CSF2RA: variants seen among roughly 807,000 people sequenced by gnomAD.
The protein encoded by CSF2RA is colony stimulating factor 2 receptor subunit alpha, also known as granulocyte-macrophage colony-stimulating factor receptor subunit alpha.
A neutral mutation model predicts 51.6 loss-of-function variants in CSF2RA; 42 were observed. That is an observed-to-expected ratio of 0.81 (90% CI 0.64 to 1.05). The LOEUF is 1.05. CSF2RA is among the 50% of genes least tolerant of loss of function. The probability of loss-of-function intolerance (pLI) is 0.00; values close to 1 mark genes in which losing one functional copy is unlikely to be tolerated. For missense variants in CSF2RA, 530 were observed against 501.1 expected (o/e 1.06, Z -0.55); for synonymous variants, 222 against 193.0 (o/e 1.15, Z -1.24).
At chrX:1,276,245 G>T (rs1293076739) in intron 2 of CSF2RA, among the ~76,000 whole-genome samples, 1 of 151,988 alleles carries the variant, frequency 6.6e-6, no homozygotes, top group Non-Finnish European at 1.5e-5. Context: ...TGTTGGCCAG[G>T]CTGGTCTCGA....
chrX:1,295,313 G>T, intron 8 of CSF2RA, 114 bp from the exon 9 acceptor site: 2 of 1,360,176 alleles, frequency 1.5e-6, no homozygotes, highest in East Asian at 2.3e-5. Flanking sequence ...CTGCCACTCC[G>T]CAGGGACTCC....
downstream of CSF2RA, among the ~76,000 whole-genome samples, chrX:1,315,375 G>A (rs1479703000): frequency 5.0e-4 from 76 of 152,132 alleles, no homozygotes; most frequent in Non-Finnish European, 1.0e-4. Flanking sequence ...ATAGATATTT[G>A]ATAGATAGAT....
Position 1,300,381 on chromosome X carries a change from AAGAAAAAAAGAAAAGG to A in CSF2RA, c.811-100_811-85del, listed in dbSNP as rs1191650730. On this transcript the variant is annotated intron_variant, in intron 9 of 12. Transcript: ENST00000381529. ...AGAGTGGTAGAAAAAAAAGAAGAAA[AAGAAAAAAAGAAAAGG>A]AGAAAAAAACTTAAAAGACAAAAGA... 1.1e-3 allele frequency: 1,482 copies of A among 1,361,140 alleles called. 3 individuals carry two copies. Among genetic ancestry groups the A allele is most frequent in the Non-Finnish European group, 1.3e-3 (1,278 of 975,718 alleles). The allele number at this position is 1,361,140 out of a possible 1,614,324, so 84.3% of individuals were successfully genotyped here. A position where few individuals can be genotyped will look rare whatever the true frequency, so the allele number is the denominator to read the frequency against.
downstream of CSF2RA, among the ~76,000 whole-genome samples, chrX:1,311,813 C>G (rs182343390): frequency 6.6e-6 from 1 of 152,122 alleles, no homozygotes; most frequent in Non-Finnish European, 1.5e-5. Flanking sequence ...CAGACTAAGA[C>G]GAGACGGAAA....
the CSF2RA span, among the ~76,000 whole-genome samples, chrX:1,321,082 G>C: frequency 2.1e-3 from 322 of 151,662 alleles, 1 homozygote; most frequent in South Asian, 5.0e-3. Flanking sequence ...GACCACAGGT[G>C]ACCCACCCTC....
rs752023363 is a variant in CSF2RA at position 1,303,875 on chromosome X, A to G, written c.947-48A>G. 8.3e-6 allele frequency: 12 copies of G among 1,447,412 alleles called. No homozygotes were observed. The East Asian group carries it at 1.6e-4, about 19-fold the overall frequency. 89.7% of individuals were successfully genotyped at this position (1,447,412 alleles called of 1,614,324 possible). A position where few individuals can be genotyped will look rare whatever the true frequency, so the allele number is the denominator to read the frequency against. ...CCGAAGAGATTTAATTTCCTTTCAC[A>G]TGTCCGTCAACGATTCACCGCAGAC... On this transcript the variant is annotated intron_variant, in intron 10 of 12. Coordinates refer to ENST00000381529, the MANE Select transcript of CSF2RA (RefSeq NM_172245.4).
At chrX:1,295,834 T>G (rs1357300795) in intron 9 of CSF2RA, among the ~76,000 whole-genome samples, 7 of 133,746 alleles carry the variant, frequency 5.2e-5, no homozygotes, top group Non-Finnish European at 6.6e-5. Context: ...CCACCTAGCT[T>G]AATCCTACAG....
chrX:1,319,291 C>G, the CSF2RA span, among the ~76,000 whole-genome samples: 1 of 139,266 alleles, frequency 7.2e-6, no homozygotes, highest in African/African-American at 2.6e-5. Flanking sequence ...CCACCATGCC[C>G]GGCCTCCTTT....
chrX:1,284,185 C>CTT (rs2090362722), intron 3 of CSF2RA, among the ~76,000 whole-genome samples: 1 of 121,328 alleles, frequency 8.2e-6, no homozygotes, highest in Non-Finnish European at 1.7e-5. Flanking sequence ...GGTTTTCTTT[C>CTT]TCTGTCTCTC....
chrX:1,306,893 G>C (rs1452365867), intron 12 of CSF2RA, among the ~76,000 whole-genome samples: 2 of 151,610 alleles, frequency 1.3e-5, no homozygotes, highest in African/African-American at 4.8e-5. Context: ...AAGAGACAGA[G>C]AGCAAGGGAT....
At chrX:1,317,344 C>T in the CSF2RA span, among the ~76,000 whole-genome samples, 23 of 141,006 alleles carry the variant, frequency 1.6e-4, no homozygotes, top group African/African-American at 3.7e-4. Context: ...CTCCGCCTCC[C>T]GGGTTCCAGC....
chrX:1,301,665 C>T lies in CSF2RA; in HGVS notation c.946+1039C>T, dbSNP rs772617103. 1.2e-4 allele frequency among the ~76,000 whole-genome samples: 18 copies of T among 146,228 alleles called. No homozygotes were observed. In the South Asian group the frequency reaches 1.3e-3, roughly 11 times the overall value. On this transcript the variant is annotated intron_variant, in intron 10 of 12. Coordinates refer to ENST00000381529, the MANE Select transcript of CSF2RA (RefSeq NM_172245.4). Reference sequence around the variant, plus strand: ...AGGCTGGAGTCCAGTGGCGCAATCTCGGCTCACTGCAAGCTCCACCTCCTG... The same window carrying T: ...AGGCTGGAGTCCAGTGGCGCAATCTTGGCTCACTGCAAGCTCCACCTCCTG...
intron 6 of CSF2RA, among the ~76,000 whole-genome samples, chrX:1,289,813 T>C (rs765886886): frequency 1.0e-5 from 1 of 95,872 alleles, no homozygotes; most frequent in Non-Finnish European, 2.8e-5. Context: ...TTTTGTGTTT[T>C]GTTTTGTTTT....
At position 1,309,708 on chromosome X, in the gene CSF2RA, G is replaced by C. The variant is rs751524946; in HGVS notation, c.*229G>C. The C allele has an allele frequency of 2.0e-5, 19 of 957,956 alleles. No individual in the cohort carries two copies. The Admixed American group carries it at 3.4e-4, about 17-fold the overall frequency. The allele number at this position is 957,956 out of a possible 1,614,324, so 59.3% of individuals were successfully genotyped here. A position where few individuals can be genotyped will look rare whatever the true frequency, so the allele number is the denominator to read the frequency against. On this transcript the variant is annotated 3_prime_UTR_variant, in exon 13 of 13. Coordinates refer to ENST00000381529, the MANE Select transcript of CSF2RA (RefSeq NM_172245.4). ...TCAAGACCAGCCTGCCCAACATGGTGAAACCCCATCTGGACTAAAAATGCA... is the reference window on the plus strand; with the variant it reads ...TCAAGACCAGCCTGCCCAACATGGTCAAACCCCATCTGGACTAAAAATGCA...
the CSF2RA span, among the ~76,000 whole-genome samples, chrX:1,318,495 G>T: frequency 6.6e-6 from 1 of 151,868 alleles, no homozygotes; most frequent in African/African-American, 2.4e-5. Context: ...TGGCCAAAGG[G>T]TGGTTGCACC....
the CSF2RA span, among the ~76,000 whole-genome samples, chrX:1,321,616 G>C: frequency 6.6e-6 from 1 of 151,044 alleles, no homozygotes; most frequent in African/African-American, 2.4e-5. Context: ...TTCAGTACAC[G>C]CTTGGGGGTT....
At chrX:1,305,765 G>A (rs1368189425) in intron 12 of CSF2RA, 2 of 1,551,418 alleles carry the variant, frequency 1.3e-6, no homozygotes, top group Admixed American at 2.0e-5. Context: ...AGGCAGGGTG[G>A]TGGTCAAGAA....
chrX:1,287,696 G>A lies in CSF2RA; in HGVS notation c.220-823G>A, dbSNP rs59018868. ...TGACCTCAAGTGATCCACCCGCCTC[G>A]GCCTCCCAGAGTGCTGGCATTACAG... is the stretch of plus-strand genomic sequence containing the variant. On this transcript the variant is annotated intron_variant, in intron 4 of 12. Coordinates refer to ENST00000381529, the MANE Select transcript of CSF2RA (RefSeq NM_172245.4). Among the ~76,000 whole-genome samples, 96 of 132,864 alleles carry A rather than the reference G, an allele frequency of 7.2e-4. 1 individual carries two copies. The highest frequency in any genetic ancestry group is 2.4e-3 in the African/African-American group (85 of 34,936). The allele number at this position is 132,864 out of a possible 152,430, so 87.2% of individuals were successfully genotyped here.
chrX:1,323,104 G>C, the CSF2RA span, among the ~76,000 whole-genome samples: 5 of 138,768 alleles, frequency 3.6e-5, no homozygotes, highest in South Asian at 4.5e-4. Flanking sequence ...ACTCCAGCCT[G>C]AGCGACAGAG....
Sources: gnomAD v4.1 joint callset for allele counts (sites outside exome capture counted in the v4.1 genomes callset) on GRCh38, gnomAD v4.1.1 for gene constraint, MANE v1.5 for transcripts, NCBI Gene and HGNC (gene_info 2026-07-23, HGNC 2026-07-21) for gene names.